Variants in FER1L5 observed in about 807,000 individuals in gnomAD.
FER1L5 encodes fer-1 like family member 5, also known as fer-1-like protein 5.
A neutral mutation model predicts 279.9 loss-of-function variants in FER1L5; 187 were observed. The ratio of observed to expected loss-of-function variants is 0.67; its 90% CI spans 0.59 to 0.75. The LOEUF is 0.75. Among genes scored for constraint, FER1L5 ranks in the 30% least tolerant of loss-of-function variants. The pLI is 0.00. For missense variants in FER1L5, 2,091 were observed against 2,594.4 expected (o/e 0.81, Z 4.21); for synonymous variants, 921 against 989.7 (o/e 0.93, Z 1.30).
intron 1 of FER1L5, among the ~76,000 whole-genome samples, chr2:96,645,471 G>A (rs2075078367): frequency 6.6e-6 from 1 of 152,170 alleles, no homozygotes. Flanking sequence ...CCGCTTAGCT[G>A]CAAGACACTG....
At chr2:96,654,056 C>G (rs2075494002) in intron 8 of FER1L5, 1 of 364,692 alleles carries the variant, frequency 2.7e-6, no homozygotes, top group African/African-American at 2.1e-5. Flanking sequence ...TATCAGGTGC[C>G]TACTATGTGC....
In FER1L5 at chr2:96,691,697, G is replaced by A. The variant is rs2077154049; in HGVS notation, c.3075+85G>A. The A allele has an allele frequency of 6.5e-7, 1 of 1,539,720 alleles. No individual in the cohort carries two copies. On this transcript the variant is annotated intron_variant, in intron 29 of 52. Transcript: ENST00000624922. The surrounding 1 kb of genome is among the most constrained non-coding windows in gnomAD (Gnocchi z 6.0). Reference sequence around the variant, plus strand: ...GCCTGGCCTGGCTGGGGCGCTGACTGCGGAGGAAGGGCCTCTGTTCCTCAG... The same window carrying A: ...GCCTGGCCTGGCTGGGGCGCTGACTACGGAGGAAGGGCCTCTGTTCCTCAG...
rs764911854 is a variant in FER1L5 at position 96,673,245 on chromosome 2, A to T, written c.1660A>T (p.Ile554Leu). Residue 554 changes from isoleucine (I) to leucine (L), a missense_variant, in exon 19 of 53, where the codon ATA becomes TTA. Ile to Leu is a conservative substitution (Grantham distance 5). Transcript: ENST00000624922. ...LVSSTPYSPVIYDGNIYHYVP... is the reference protein window; with the variant it reads ...LVSSTPYSPVLYDGNIYHYVP... ...CTCAAGCACACCGTACAGCCCAGTG[A>T]TATATGATGGTAATTGTCAGATTCA... The T allele has an allele frequency of 3.9e-6, 6 of 1,549,670 alleles. No individual in the cohort carries two copies. The highest frequency in any genetic ancestry group is 5.2e-6 in the Non-Finnish European group (6 of 1,145,340).
chr2:96,659,373 C>CTTTCT, intron 9 of FER1L5, among the ~76,000 whole-genome samples: 1 of 11,778 alleles, frequency 8.5e-5, no homozygotes, highest in East Asian at 4.4e-3. Flanking sequence ...TTCTTTCTTT[C>CTTTCT]TTTCTTTCTT....
rs146348195 is a variant in FER1L5, at chr2:96,704,536, C to A, written c.6018C>A (p.Ile2006=). 752 of 1,613,912 alleles carry A rather than the reference C, an allele frequency of 4.7e-4. 5 individuals carry two copies. In the African/African-American group the frequency reaches 8.7e-3, roughly 19 times the overall value. ...ATCCTCCCATTAAAATATTCAATAT[C>A]ATCAATTCACTAAACACCAGCAACG... The part of the protein sequence containing the change: ...QLYPPIKIFN[I]INSLNTSNAS... The change falls in exon 53 of 53, where the codon ATC becomes ATA. Residue 2006 remains isoleucine (I), a synonymous_variant. Coordinates refer to ENST00000624922, the MANE Select transcript of FER1L5 (RefSeq NM_001293083.2).
rs768485387 is a variant in FER1L5, at chr2:96,691,351, C to G, written c.2905C>G (p.Leu969Val). ...HEQETLSFLQLGLAKGEEEGW... is the reference protein window; with the variant it reads ...HEQETLSFLQVGLAKGEEEGW... ...GCAGGAGACCCTCTCCTTCCTGCAGCTGGTGAGGGGTCGACGGGCGCCCTG... is the reference window on the plus strand; with the variant it reads ...GCAGGAGACCCTCTCCTTCCTGCAGGTGGTGAGGGGTCGACGGGCGCCCTG... Residue 969 changes from leucine (L) to valine (V), a missense_variant and splice_region_variant, in exon 28 of 53, where the codon CTG (leucine) becomes GTG (valine). Physicochemically the swap from Leu to Val is conservative, Grantham distance 32. Transcript: ENST00000624922. This position sits in a 1 kb window ranked among gnomAD's most constrained non-coding sequence, Gnocchi z 6.0. 6.3e-5 allele frequency: 98 copies of G among 1,548,666 alleles called. No individual in the cohort carries two copies. Among genetic ancestry groups the G allele is most frequent in the Admixed American group, 2.4e-4 (12 of 50,824 alleles).
intron 13 of FER1L5, 100 bp downstream of exon 13, chr2:96,662,367 C>A: frequency 9.3e-7 from 1 of 1,078,724 alleles, no homozygotes; most frequent in Non-Finnish European, 1.4e-6. Flanking sequence ...GGAATCATCT[C>A]CCAGTCACCC....
intron 19 of FER1L5, among the ~76,000 whole-genome samples, 186 bp from the exon 20 acceptor site, chr2:96,684,141 A>G (rs1215278360): frequency 6.6e-6 from 1 of 152,200 alleles, no homozygotes; most frequent in Non-Finnish European, 1.5e-5. Context: ...CAAAGTGCAC[A>G]CATTCTCACA....
intron 19 of FER1L5, among the ~76,000 whole-genome samples, chr2:96,683,544 T>C (rs982971161): frequency 1.5e-5 from 2 of 132,290 alleles, no homozygotes; most frequent in African/African-American, 5.6e-5. Flanking sequence ...GGTCCTGGGG[T>C]TTGGGACTTG....
At chr2:96,659,415 T>TTCCTTTCTTTCTTTCTTTCTTTCTG (rs2075816681) in intron 9 of FER1L5, among the ~76,000 whole-genome samples, 1 of 6,802 alleles carries the variant, frequency 1.5e-4, no homozygotes, top group Non-Finnish European at 2.5e-4. Context: ...CTTTCTTTCT[T>TTCCTTTCTTTCTTTCTTTCTTTCTG]TCTTTCTTTC....
At position 96,653,711 on chromosome 2, in the gene FER1L5, C is replaced by T. The variant is rs777580978; in HGVS notation, c.696+9C>T. The stretch of plus-strand genomic sequence containing the variant: ...AGACCATCTTAATCCAGGTGAGGAG[C>T]CAAACTGGTCCCCAGCAAGGTGGGT... On this transcript the variant is annotated intron_variant, in intron 8 of 52. Transcript: ENST00000624922. 1 of 1,548,908 alleles carries T rather than the reference C, an allele frequency of 6.5e-7. No homozygotes were observed. Among genetic ancestry groups the T allele is most frequent in the South Asian group, 1.2e-5 (1 of 83,946 alleles).
In FER1L5 at chr2:96,661,523, A is replaced by G. The variant is rs574804048; in HGVS notation, c.894+83A>G. ...CTGGGCCTCACCCTGGATATTGACC[A>G]TCACATCTCTCCTTTGTCCGCTGCG... On this transcript the variant is annotated intron_variant, in intron 11 of 52. Transcript: ENST00000624922. 129 of 1,507,566 alleles carry G rather than the reference A, an allele frequency of 8.6e-5. 1 individual carries two copies. In the African/African-American group the frequency reaches 1.7e-3, roughly 20 times the overall value. 93.4% of individuals were successfully genotyped at this position (1,507,566 alleles called of 1,614,324 possible). A position where few individuals can be genotyped will look rare whatever the true frequency, so the allele number is the denominator to read the frequency against.
intron 1 of FER1L5, among the ~76,000 whole-genome samples, chr2:96,644,569 C>T (rs559058898): frequency 2.6e-5 from 4 of 151,996 alleles, no homozygotes; most frequent in East Asian, 1.9e-4. Context: ...AGATACAGGA[C>T]GGTGGATACA....
At chr2:96,664,406 G>C (rs1013328415) in intron 14 of FER1L5, among the ~76,000 whole-genome samples, 1 of 152,078 alleles carries the variant, frequency 6.6e-6, no homozygotes, top group Non-Finnish European at 1.5e-5. Flanking sequence ...GTATTAGCTT[G>C]CATTTCCTAG....
intron 1 of FER1L5, among the ~76,000 whole-genome samples, chr2:96,645,771 G>C (rs2075093495): frequency 6.6e-6 from 1 of 150,398 alleles, no homozygotes; most frequent in Non-Finnish European, 1.5e-5. Context: ...GTGAGACCTT[G>C]TGTCACACAC....
In FER1L5 at chr2:96,702,554, T is replaced by C. The variant is rs757515753; in HGVS notation, c.5256-46T>C. The C allele has an allele frequency of 1.2e-5, 18 of 1,552,694 alleles. No homozygotes were observed. The highest frequency in any genetic ancestry group is 9.6e-5 in the African/African-American group (7 of 73,088). Reference sequence around the variant, plus strand: ...TTCCCATGGGGCTCCAGCTGGGGGATGGGGCCAATGCACATGAGCCACAGG... The same window carrying C: ...TTCCCATGGGGCTCCAGCTGGGGGACGGGGCCAATGCACATGAGCCACAGG... On this transcript the variant is annotated intron_variant, in intron 47 of 52. Coordinates refer to ENST00000624922, the MANE Select transcript of FER1L5 (RefSeq NM_001293083.2). This position sits in a 1 kb window ranked among gnomAD's most constrained non-coding sequence, Gnocchi z 4.0.
At chr2:96,700,222 C>T in intron 44 of FER1L5, 110 bp from the exon 45 acceptor site, 5 of 1,564,064 alleles carry the variant, frequency 3.2e-6, no homozygotes, top group East Asian at 2.3e-5. Context: ...CAGCCCATCC[C>T]TTTCCCCTTC....
In FER1L5 at chr2:96,703,113, A is replaced by G. The variant is rs371196729; in HGVS notation, c.5497+36A>G. 40 of 1,613,250 alleles carry G rather than the reference A, an allele frequency of 2.5e-5. No homozygotes were observed. In the African/African-American group the frequency reaches 4.5e-4, roughly 18 times the overall value. ...GACACAGGGCTTGTGACCACAGGACAGGGAGCTCCTTCTTGCTGATGTCAT... is the reference window on the plus strand; with the variant it reads ...GACACAGGGCTTGTGACCACAGGACGGGGAGCTCCTTCTTGCTGATGTCAT... On this transcript the variant is annotated intron_variant, in intron 49 of 52. Transcript: ENST00000624922.
In FER1L5 at chr2:96,661,869, C is replaced by G. The variant is rs931594052; in HGVS notation, c.1018+78C>G. The G allele has an allele frequency of 4.4e-5, 67 of 1,527,614 alleles. 1 individual carries two copies. Among genetic ancestry groups the G allele is most frequent in the Middle Eastern group, 4.2e-4 (2 of 4,814 alleles). The allele number at this position is 1,527,614 out of a possible 1,614,324, so 94.6% of individuals were successfully genotyped here. Reference sequence around the variant, plus strand: ...ATACCCTGGATCCTCATGGAGTTTCCTCATTCCTTTTGGCACTAAACTACT... The same window carrying G: ...ATACCCTGGATCCTCATGGAGTTTCGTCATTCCTTTTGGCACTAAACTACT... On this transcript the variant is annotated intron_variant, in intron 12 of 52. Transcript: ENST00000624922.
Sources: allele counts gnomAD v4.1 joint callset (sites outside exome capture counted in the v4.1 genomes callset), GRCh38; gene constraint gnomAD v4.1.1; non-coding constraint Gnocchi (gnomAD v3.1); transcripts MANE v1.5; gene names NCBI Gene and HGNC (gene_info 2026-07-23, HGNC 2026-07-21).